HSPBAP1: variants seen among roughly 807,000 people sequenced by gnomAD.
HSPBAP1 encodes the protein HSPB1-associated protein 1.
In HSPBAP1, 27 loss-of-function variants were observed where a neutral mutation model predicts 45.2. The observed-to-expected ratio is 0.60, with a 90% confidence interval of 0.44 to 0.82. The LOEUF (loss-of-function observed/expected upper bound fraction) is 0.82. Ranked by LOEUF, HSPBAP1 falls within the 40% of genes least tolerant of loss-of-function variation. The pLI, the probability that HSPBAP1 is intolerant of heterozygous loss-of-function variation, is 0.00. For synonymous variants in HSPBAP1, 204 were observed against 202.7 expected, an observed-to-expected ratio of 1.01 and a Z score of -0.06; for missense variants, 510 against 590.9, an observed-to-expected ratio of 0.86 and a Z score of 1.42.
intron 4 of HSPBAP1, chr3:122,758,728 T>C: frequency 2.2e-6 from 1 of 453,684 alleles, no homozygotes; most frequent in Non-Finnish European, 4.4e-6. Flanking sequence ...ACTCCATCTC[T>C]AAATAAAAAG....
At chr3:122,747,617 T>A (rs1177873032) in intron 6 of HSPBAP1, among the ~76,000 whole-genome samples, 3 of 134,270 alleles carry the variant, frequency 2.2e-5, no homozygotes, top group Non-Finnish European at 3.2e-5. Context: ...AGCCGCCCCA[T>A]CTGGGAGGGA....
chr3:122,778,208 T>A (rs1486177393), intron 1 of HSPBAP1, among the ~76,000 whole-genome samples: 1 of 77,950 alleles, frequency 1.3e-5, no homozygotes, highest in East Asian at 2.2e-4. Context: ...AACAGGTAGT[T>A]TTTTTTGTTG....
rs184323947 is a variant in HSPBAP1 at position 122,765,147 on chromosome 3, G to C, written c.432+3554C>G. Among the ~76,000 whole-genome samples, 6 of 152,220 alleles carry C rather than the reference G, an allele frequency of 3.9e-5. No homozygotes were observed. The East Asian group carries it at 1.2e-3, about 29-fold the overall frequency. On this transcript the variant is annotated intron_variant, in intron 3 of 7. Coordinates refer to ENST00000306103, the MANE Select transcript of HSPBAP1 (RefSeq NM_024610.6). ...AAGCCTTTTCTGTTTATGTACCTAAGGTAATTTTTCTAAGGAAAAAAAGAC... is the reference window on the plus strand; with the variant it reads ...AAGCCTTTTCTGTTTATGTACCTAACGTAATTTTTCTAAGGAAAAAAAGAC...
Position 122,752,674 on chromosome 3 carries a change from C to T in HSPBAP1, c.742G>A (p.Val248Ile), listed in dbSNP as rs767061930. The change falls in exon 6 of 8, where the codon GTT (valine) becomes ATT (isoleucine). Residue 248 changes from valine (V) to isoleucine (I), a missense_variant and splice_region_variant. Physicochemically the swap from Val to Ile is conservative, Grantham distance 29 (BLOSUM62 3). Transcript: ENST00000306103. ...RHAVTLSPGQ[V>I]LFVPRHWWHY... The stretch of plus-strand genomic sequence containing the variant: ...CACCAGTGTCTGGGAACAAAGAGAA[C>T]CTGAAAACCAAACAAAGAATGGTTA... 2 of 1,599,690 alleles carry T rather than the reference C, an allele frequency of 1.3e-6. No individual in the cohort carries two copies. The highest frequency in any genetic ancestry group is 2.7e-5 in the African/African-American group (2 of 73,872).
At chr3:122,760,658 T>C (rs1010399466) in intron 3 of HSPBAP1, among the ~76,000 whole-genome samples, 1 of 152,100 alleles carries the variant, frequency 6.6e-6, no homozygotes, top group African/African-American at 2.4e-5. Context: ...TAAATGCACA[T>C]GGCTCACATG....
chr3:122,750,515 ATATC>A (rs9289203), intron 6 of HSPBAP1, among the ~76,000 whole-genome samples: 8,973 of 149,102 alleles, frequency 0.06, 350 homozygotes, highest in East Asian at 0.17. Flanking sequence ...AAATACATCA[ATATC>A]TATCTATCTA....
intron 4 of HSPBAP1, among the ~76,000 whole-genome samples, chr3:122,756,286 ACAG>A (rs763171752): frequency 5.4e-4 from 82 of 152,286 alleles, no homozygotes; most frequent in Non-Finnish European, 1.0e-3. Flanking sequence ...GAACCAAGAA[ACAG>A]CGGCTGCTGT....
rs543670246 is a variant in HSPBAP1 at position 122,781,357 on chromosome 3, G to A, written c.65-3451C>T. 7.2e-5 allele frequency among the ~76,000 whole-genome samples: 11 copies of A among 152,274 alleles called. No individual in the cohort carries two copies. The South Asian group carries it at 1.4e-3, about 20-fold the overall frequency. Reference sequence around the variant, plus strand: ...CACTCGTGGTTAGGAGCTGGAGACCGGCCCGGCCAACACAGCGAAACCCCG... The same window carrying A: ...CACTCGTGGTTAGGAGCTGGAGACCAGCCCGGCCAACACAGCGAAACCCCG... On this transcript the variant is annotated intron_variant, in intron 1 of 7. Transcript: ENST00000306103.
intron 4 of HSPBAP1, among the ~76,000 whole-genome samples, chr3:122,756,332 T>G (rs927406260): frequency 2.6e-5 from 4 of 152,206 alleles, no homozygotes; most frequent in Non-Finnish European, 5.9e-5. Flanking sequence ...TGAAGTCTTA[T>G]TTTGCTTTGG....
At chr3:122,749,857 G>A (rs558752171) in intron 6 of HSPBAP1, among the ~76,000 whole-genome samples, 10 of 151,390 alleles carry the variant, frequency 6.6e-5, no homozygotes, top group African/African-American at 2.4e-4. Flanking sequence ...TGATCTGCCC[G>A]CCTCGGCCTC....
At chr3:122,778,479 A>T (rs1935268148) in intron 1 of HSPBAP1, among the ~76,000 whole-genome samples, 1 of 151,652 alleles carries the variant, frequency 6.6e-6, no homozygotes, top group Non-Finnish European at 1.5e-5. Context: ...GTATACAAAT[A>T]GAATTACTAC....
chr3:122,747,669 G>A (rs1358220185), intron 6 of HSPBAP1, among the ~76,000 whole-genome samples: 4 of 146,774 alleles, frequency 2.7e-5, no homozygotes, highest in East Asian at 2.1e-4. Flanking sequence ...CGCCCCGTCC[G>A]GGAGGTGAGG....
intron 1 of HSPBAP1, among the ~76,000 whole-genome samples, chr3:122,780,490 A>C (rs1386011919): frequency 3.6e-5 from 3 of 82,664 alleles, no homozygotes; most frequent in Admixed American, 1.3e-4. Flanking sequence ...CGGACGGGGC[A>C]GCTGGCCGGG....
chr3:122,771,610 G>A (rs1209691200), intron 2 of HSPBAP1, among the ~76,000 whole-genome samples: 1 of 152,058 alleles, frequency 6.6e-6, no homozygotes, highest in African/African-American at 2.4e-5. Context: ...CAGGTCTTTC[G>A]ATCACTCTAT....
chr3:122,740,879 A>C lies in HSPBAP1; in HGVS notation c.937-4T>G. 6.2e-7 allele frequency: 1 copy of C among 1,612,776 alleles called. No homozygotes were observed. Among genetic ancestry groups the C allele is most frequent in the Non-Finnish European group, 8.5e-7 (1 of 1,179,302 alleles). On this transcript the variant is annotated splice_region_variant and splice_polypyrimidine_tract_variant and intron_variant, in intron 7 of 7. Transcript: ENST00000306103. ...CTGCATGGGACGTTTCCTCAACCTAAGGGAAGAGAAAAACCTTTTAAAATG... is the reference window on the plus strand; with the variant it reads ...CTGCATGGGACGTTTCCTCAACCTACGGGAAGAGAAAAACCTTTTAAAATG...
At chr3:122,775,047 T>C (rs992228975) in intron 2 of HSPBAP1, among the ~76,000 whole-genome samples, 2 of 151,854 alleles carry the variant, frequency 1.3e-5, no homozygotes, top group Admixed American at 6.6e-5. Flanking sequence ...ATTATGATAC[T>C]ACCAAACAAT....
intron 2 of HSPBAP1, among the ~76,000 whole-genome samples, chr3:122,772,949 A>G (rs1935052764): frequency 6.6e-6 from 1 of 152,034 alleles, no homozygotes; most frequent in East Asian, 1.9e-4. Flanking sequence ...GCTGGGCTTA[A>G]GCAATCCTCC....
chr3:122,757,316 T>A (rs899610448), intron 4 of HSPBAP1, among the ~76,000 whole-genome samples: 1 of 152,172 alleles, frequency 6.6e-6, no homozygotes, highest in Non-Finnish European at 1.5e-5. Flanking sequence ...CTGTCTCCAA[T>A]GCACAACATA....
At chr3:122,742,401 AG>A (rs201677035) in intron 6 of HSPBAP1, among the ~76,000 whole-genome samples, 1,918 of 152,290 alleles carry the variant, frequency 0.013, 14 homozygotes, top group Non-Finnish European at 0.019. Flanking sequence ...AATAAAAAAA[AG>A]ACAGATATTA....
Sources: gnomAD v4.1 joint callset for allele counts (sites outside exome capture counted in the v4.1 genomes callset) on GRCh38, gnomAD v4.1.1 for gene constraint, MANE v1.5 for transcripts, NCBI Gene and HGNC (gene_info 2026-07-23, HGNC 2026-07-21) for gene names.